The following LRCH3 variants were observed in gnomAD, a reference collection of about 807,000 sequenced individuals.
LRCH3 encodes leucine rich repeats and calponin homology domain containing 3.
A neutral mutation model predicts 104.5 loss-of-function variants in LRCH3; 68 were observed. That is an observed-to-expected ratio of 0.65 (90% CI 0.54 to 0.80). LRCH3 has a LOEUF of 0.80. Among genes scored for constraint, LRCH3 ranks in the 30% least tolerant of loss-of-function variants. The pLI is 0.00. For synonymous variants in LRCH3, 344 were observed against 361.3 expected (o/e 0.95, Z 0.54); for missense variants, 951 against 953.9 (o/e 1.00, Z 0.04).
At chr3:197,830,919 GATGAAA>G in intron 7 of LRCH3, 56 bp downstream of exon 7, 1 of 1,398,760 alleles carries the variant, frequency 7.1e-7, no homozygotes, top group Non-Finnish European at 1.0e-6. Flanking sequence ...AAAACAGAAT[GATGAAA>G]ATGAAAAGCG....
intron 1 of LRCH3, among the ~76,000 whole-genome samples, chr3:197,792,577 T>TTTTATATATATATATATATATA (rs1553912028): frequency 3.4e-4 from 7 of 20,344 alleles, no homozygotes; most frequent in African/African-American, 8.2e-4. Flanking sequence ...CCAGCTAATT[T>TTTTATATATATATATATATATA]TATATATATA....
chr3:197,820,262 C>T, intron 3 of LRCH3, 63 bp from the exon 4 acceptor site: 2 of 1,140,262 alleles, frequency 1.8e-6, no homozygotes, highest in South Asian at 2.6e-5. Context: ...ATTTTATAGA[C>T]AGTTTAAAGC....
rs568614259 is a variant in LRCH3, at chr3:197,883,421, A to G, written c.2209-120A>G. On this transcript the variant is annotated intron_variant, in intron 20 of 20. Coordinates refer to ENST00000425562, the MANE Select transcript of LRCH3 (RefSeq NM_001365715.1). This position sits in a 1 kb window ranked among gnomAD's most constrained non-coding sequence, Gnocchi z 4.2. ...CACTGAGGTCAGTTTCCCAGGTACTAATTTTCATATCTAAGTTGATGATTG... is the reference window on the plus strand; with the variant it reads ...CACTGAGGTCAGTTTCCCAGGTACTGATTTTCATATCTAAGTTGATGATTG... The G allele has an allele frequency of 1.4e-6, 2 of 1,403,172 alleles. No homozygotes were observed. The highest frequency in any genetic ancestry group is 1.9e-6 in the Non-Finnish European group (2 of 1,069,902). 86.9% of individuals were successfully genotyped at this position (1,403,172 alleles called of 1,614,324 possible).
chr3:197,800,965 G>A (rs1163775368), intron 1 of LRCH3, among the ~76,000 whole-genome samples: 1 of 151,872 alleles, frequency 6.6e-6, no homozygotes, highest in Admixed American at 6.6e-5. Flanking sequence ...TGTGGTGGCG[G>A]GCGCCTGTAA....
At chr3:197,873,542 A>C (rs1712488778) in intron 19 of LRCH3, among the ~76,000 whole-genome samples, 1 of 152,142 alleles carries the variant, frequency 6.6e-6, no homozygotes, top group Non-Finnish European at 1.5e-5. Context: ...TGGGAGTTTA[A>C]GACCAGCCTG....
At chr3:197,857,698 G>A (rs73892148) in intron 14 of LRCH3, among the ~76,000 whole-genome samples, 6,341 of 152,222 alleles carry the variant, frequency 0.042, 409 homozygotes, top group African/African-American at 0.14. Context: ...AGTAGTTCCA[G>A]TACCTTTGAT....
chr3:197,805,948 C>A (rs192176965), intron 1 of LRCH3, among the ~76,000 whole-genome samples: 2 of 151,772 alleles, frequency 1.3e-5, no homozygotes, highest in African/African-American at 4.8e-5. Flanking sequence ...TTTTTTGAGA[C>A]GGAATTTCAC....
intron 2 of LRCH3, 23 bp from the exon 3 acceptor site, chr3:197,817,153 T>C (rs2109195957): frequency 6.3e-7 from 1 of 1,578,348 alleles, no homozygotes; most frequent in East Asian, 2.4e-5. Context: ...CTGATTCTTC[T>C]CTCTTTCTAC....
At chr3:197,823,006 T>TC (rs1175318805) in intron 4 of LRCH3, 5 of 150,482 alleles carry the variant, frequency 3.3e-5, no homozygotes, top group African/African-American at 1.2e-4. Context: ...TTTTTTTTTT[T>TC]TGAGACGGAG....
intron 8 of LRCH3, among the ~76,000 whole-genome samples, chr3:197,833,054 T>G (rs978247448): frequency 6.6e-6 from 1 of 152,196 alleles, no homozygotes; most frequent in African/African-American, 2.4e-5. Context: ...CCATCTTAGA[T>G]TCTTTACTCC....
At chr3:197,862,489 A>C (rs1740999573) in intron 15 of LRCH3, among the ~76,000 whole-genome samples, 1 of 152,126 alleles carries the variant, frequency 6.6e-6, no homozygotes, top group Non-Finnish European at 1.5e-5. Flanking sequence ...GTGTTTTTTA[A>C]ATTTCTAGTC....
chr3:197,878,717 C>T (rs9756814), intron 20 of LRCH3, among the ~76,000 whole-genome samples: 5,110 of 152,258 alleles, frequency 0.034, 259 homozygotes, highest in African/African-American at 0.11. Context: ...TGAATAAACG[C>T]ACAAACTCGT....
chr3:197,830,998 C>A, intron 7 of LRCH3, 135 bp downstream of exon 7: 3 of 688,284 alleles, frequency 4.4e-6, no homozygotes, highest in Middle Eastern at 3.2e-4. Context: ...AGGCAAGATT[C>A]CCACCCTCTC....
intron 19 of LRCH3, among the ~76,000 whole-genome samples, chr3:197,871,859 G>A (rs1712232746): frequency 6.6e-6 from 1 of 152,188 alleles, no homozygotes. Context: ...GGAAAGTTTG[G>A]CTTTTACTTA....
intron 1 of LRCH3, among the ~76,000 whole-genome samples, chr3:197,812,319 C>T (rs2109166504): frequency 6.6e-6 from 1 of 152,108 alleles, no homozygotes; most frequent in Non-Finnish European, 1.5e-5. Context: ...TCATGTTGTA[C>T]CATGTCAAAG....
rs367835306 is a variant in LRCH3 at position 197,803,373 on chromosome 3, C to T, written c.263-11535C>T. On this transcript the variant is annotated intron_variant, in intron 1 of 20. Transcript: ENST00000425562. ...CACCTGGGGCTCTTTTTAAAAAATA[C>T]GCATCCCTGGGTGAGATTACTAGAG... Among the ~76,000 whole-genome samples the T allele has an allele frequency of 1.1e-4, 16 of 152,140 alleles. No homozygotes were observed. In the East Asian group the frequency reaches 2.3e-3, roughly 22 times the overall value.
intron 10 of LRCH3, among the ~76,000 whole-genome samples, chr3:197,839,710 T>C (rs1737504529): frequency 6.6e-6 from 1 of 152,150 alleles, no homozygotes; most frequent in Non-Finnish European, 1.5e-5. Context: ...CTGGGCATAG[T>C]GGCTAACACT....
chr3:197,875,751 T>G lies in LRCH3; in HGVS notation c.2184T>G (p.Ala728=). 2 of 1,534,802 alleles carry G rather than the reference T, an allele frequency of 1.3e-6. No homozygotes were observed. The highest frequency in any genetic ancestry group is 1.2e-5 in the South Asian group (1 of 83,964). ...CRRNVENFLE[A]CRKIGVPQEQ... Reference sequence around the variant, plus strand: ...GAAATGTGGAAAATTTCCTAGAAGCTTGCAGAAAAATTGGTGTACCTCAGG... The same window carrying G: ...GAAATGTGGAAAATTTCCTAGAAGCGTGCAGAAAAATTGGTGTACCTCAGG... The change falls in exon 20 of 21, where the codon GCT becomes GCG. Residue 728 remains alanine (A), a synonymous_variant. Coordinates refer to ENST00000425562, the MANE Select transcript of LRCH3 (RefSeq NM_001365715.1).
chr3:197,831,170 G>A (rs1316207701), intron 7 of LRCH3: 3 of 260,588 alleles, frequency 1.2e-5, no homozygotes, highest in Non-Finnish European at 1.5e-5. Context: ...GTAATCTCGA[G>A]CAGAGGTGCT....
Sources: allele counts gnomAD v4.1 joint callset (sites outside exome capture counted in the v4.1 genomes callset), GRCh38; gene constraint gnomAD v4.1.1; non-coding constraint Gnocchi (gnomAD v3.1); transcripts MANE v1.5; gene names NCBI Gene and HGNC (gene_info 2026-07-23, HGNC 2026-07-21).